The following FAIM2 variants were observed in gnomAD, a reference collection of about 807,000 sequenced individuals.
FAIM2 encodes protein lifeguard 2.
A neutral mutation model predicts 47.4 loss-of-function variants in FAIM2; 27 were observed. The ratio of observed to expected loss-of-function variants is 0.57; its 90% CI spans 0.42 to 0.78. FAIM2 has a LOEUF of 0.78. FAIM2 is among the 30% of genes least tolerant of loss of function. The pLI, the probability that FAIM2 is intolerant of heterozygous loss-of-function variation, is 0.00. For missense variants in FAIM2, 311 were observed against 389.4 expected (o/e 0.80, Z 1.69); for synonymous variants, 156 against 159.3 (o/e 0.98, Z 0.16).
chr12:49,881,988 C>T (rs962686789), intron 11 of FAIM2, among the ~76,000 whole-genome samples: 22 of 152,238 alleles, frequency 1.4e-4, no homozygotes, highest in African/African-American at 4.8e-4. Flanking sequence ...AAATCGGATT[C>T]TCGAAGCTGG....
In FAIM2 at chr12:49,869,594, C is replaced by T. The variant is rs1041150464; in HGVS notation, c.*910G>A. The T allele has an allele frequency of 6.6e-6, 1 of 152,588 alleles. No individual in the cohort carries two copies. Among genetic ancestry groups the T allele is most frequent in the Non-Finnish European group, 1.5e-5 (1 of 68,364 alleles). 9.5% of individuals were successfully genotyped at this position (152,588 alleles called of 1,614,324 possible). A position where few individuals can be genotyped will look rare whatever the true frequency, so the allele number is the denominator to read the frequency against. ...CAGCTACAGCGATTGCCTCCTCCCCCAGAACATCCAGCCGGAGGGCCCAAT... is the reference window on the plus strand; with the variant it reads ...CAGCTACAGCGATTGCCTCCTCCCCTAGAACATCCAGCCGGAGGGCCCAAT... On this transcript the variant is annotated 3_prime_UTR_variant, in exon 12 of 12. Transcript: ENST00000320634.
rs566815136 is a variant in FAIM2 at position 49,874,341 on chromosome 12, AGGAAAGGAGT to A, written c.802-3698_802-3689del. Among the ~76,000 whole-genome samples the A allele has an allele frequency of 5.7e-4, 87 of 152,216 alleles. No individual in the cohort carries two copies. Among genetic ancestry groups the A allele is most frequent in the African/African-American group, 2.0e-3 (84 of 41,520 alleles). The stretch of plus-strand genomic sequence containing the variant: ...GTGGGCGTCCTCATGGTCTTACATG[AGGAAAGGAGT>A]CTGAGAGCTGAGTGACTTGCTGATG... On this transcript the variant is annotated intron_variant, in intron 11 of 11. Transcript: ENST00000320634. This position sits in a 1 kb window ranked among gnomAD's most constrained non-coding sequence, Gnocchi z 4.2.
intron 11 of FAIM2, among the ~76,000 whole-genome samples, chr12:49,880,192 A>G (rs200586338): frequency 1.1e-3 from 75 of 67,950 alleles, no homozygotes; most frequent in African/African-American, 4.8e-3. Context: ...ATGTGTGTAT[A>G]TGTGCATGTG....
chr12:49,895,060 C>T (rs997838371), intron 5 of FAIM2, among the ~76,000 whole-genome samples: 1 of 150,840 alleles, frequency 6.6e-6, no homozygotes, highest in African/African-American at 2.4e-5. Flanking sequence ...GGGTGTGGAG[C>T]GGGCAGGGCA....
chr12:49,892,268 C>T (rs1327213042), intron 5 of FAIM2, among the ~76,000 whole-genome samples: 1 of 152,064 alleles, frequency 6.6e-6, no homozygotes, highest in African/African-American at 2.4e-5. Flanking sequence ...CTTAATTGCC[C>T]GGGGATCTCC....
At chr12:49,889,760 G>C (rs1946886366) in intron 8 of FAIM2, among the ~76,000 whole-genome samples, 192 bp from the exon 9 acceptor site, 1 of 152,152 alleles carries the variant, frequency 6.6e-6, no homozygotes. Context: ...AACAGGCTTA[G>C]ACTCAAAATC....
At chr12:49,897,126 C>G (rs1946943371) in intron 4 of FAIM2, 42 bp from the exon 5 acceptor site, 12 of 1,495,090 alleles carry the variant, frequency 8.0e-6, no homozygotes, top group Non-Finnish European at 5.6e-6. Context: ...AGAATGTACC[C>G]TAGGTCTCCA....
intron 11 of FAIM2, among the ~76,000 whole-genome samples, chr12:49,878,227 CATGAGTGTATGTGTGT>C (rs1946756171): frequency 8.2e-6 from 1 of 121,424 alleles, no homozygotes; most frequent in Non-Finnish European, 1.7e-5. Context: ...TGTATATGTG[CATGAGTGTATGTGTGT>C]ATATGTGAGT....
At chr12:49,902,631 C>CA (rs1946988993) in intron 1 of FAIM2, among the ~76,000 whole-genome samples, 1 of 151,964 alleles carries the variant, frequency 6.6e-6, no homozygotes, top group Non-Finnish European at 1.5e-5. Context: ...GAAGGAGACT[C>CA]AGCAGAAGGG....
Position 49,903,876 on chromosome 12 carries a change from CGCGTGGGTTCT to C in FAIM2, c.-95_-85del. The C allele has an allele frequency of 7.1e-7, 1 of 1,406,178 alleles. No homozygotes were observed. The highest frequency in any genetic ancestry group is 9.5e-7 in the Non-Finnish European group (1 of 1,051,108). 87.1% of individuals were successfully genotyped at this position (1,406,178 alleles called of 1,614,324 possible). Reference sequence around the variant, plus strand: ...GCCTGCCTGCGTCTCTTCCTTCCTCCGCGTGGGTTCTAGCAACATCCACTGCAGCCGGGCCA... The same window carrying C: ...GCCTGCCTGCGTCTCTTCCTTCCTCCAGCAACATCCACTGCAGCCGGGCCA... On this transcript the variant is annotated 5_prime_UTR_variant, in exon 1 of 12. Coordinates refer to ENST00000320634, the MANE Select transcript of FAIM2 (RefSeq NM_012306.4).
At chr12:49,903,176 A>G (rs1249986088) in intron 1 of FAIM2, among the ~76,000 whole-genome samples, 3 of 152,194 alleles carry the variant, frequency 2.0e-5, no homozygotes, top group Non-Finnish European at 4.4e-5. Context: ...CTAAAACTGG[A>G]GAAGAGATGC....
intron 3 of FAIM2, 65 bp from the exon 4 acceptor site, chr12:49,897,648 G>A (rs945919515): frequency 1.6e-6 from 2 of 1,238,996 alleles, no homozygotes; most frequent in African/African-American, 3.0e-5. Flanking sequence ...GCCCCGCAGT[G>A]ACTCAGTCAC....
At chr12:49,882,479 C>T (rs2137091921) in intron 11 of FAIM2, among the ~76,000 whole-genome samples, 1 of 152,280 alleles carries the variant, frequency 6.6e-6, no homozygotes, top group African/African-American at 2.4e-5. Flanking sequence ...TTCCCCTGCC[C>T]CATGGGCCCC....
chr12:49,891,116 T>C lies in FAIM2; in HGVS notation c.435-2A>G. On this transcript the variant is annotated splice_acceptor_variant, in intron 5 of 11. Coordinates refer to ENST00000320634, the MANE Select transcript of FAIM2 (RefSeq NM_012306.4). LOFTEE classifies it high-confidence loss of function. ...AGGTAGGTTGCAAAGAACACAGCAC[T>C]GTGAGAGACAGATGGATAGGTGAGT... 1 of 1,614,078 alleles carries C rather than the reference T, an allele frequency of 6.2e-7. No homozygotes were observed. Among genetic ancestry groups the C allele is most frequent in the South Asian group, 1.1e-5 (1 of 91,084 alleles).
intron 11 of FAIM2, among the ~76,000 whole-genome samples, chr12:49,879,710 G>C (rs186013586): frequency 8.0e-6 from 1 of 124,760 alleles, no homozygotes; most frequent in East Asian, 2.3e-4. Flanking sequence ...ATGTGTGTGT[G>C]TGTGTATATG....
At chr12:49,875,838 T>C (rs947915740) in intron 11 of FAIM2, among the ~76,000 whole-genome samples, 5 of 152,016 alleles carry the variant, frequency 3.3e-5, no homozygotes, top group African/African-American at 1.2e-4. Flanking sequence ...TAGCCAGGCG[T>C]GGTGGTGGGC....
intron 11 of FAIM2, among the ~76,000 whole-genome samples, chr12:49,881,631 A>G (rs1249291377): frequency 2.0e-5 from 3 of 152,004 alleles, no homozygotes; most frequent in East Asian, 3.9e-4. Flanking sequence ...GCGACTTTCC[A>G]TGAGTTTCTA....
rs750021638 is a variant in FAIM2 at position 49,890,718 on chromosome 12, G to GCCT, written c.487_489dup (p.Arg163dup). 4 of 1,613,974 alleles carry GCCT rather than the reference G, an allele frequency of 2.5e-6. No homozygotes were observed. Among genetic ancestry groups the GCCT allele is most frequent in the Non-Finnish European group, 3.4e-6 (4 of 1,179,916 alleles). On this transcript the variant is annotated inframe_insertion, in exon 7 of 12. Transcript: ENST00000320634. ...AGGAGAATCAGGTTCCAGGGGAAAT[G>GCCT]CCTCCTGCAAGGCAAGCCACAGAGT...
At chr12:49,880,488 ATGTGTATGTG>A (rs1555158538) in intron 11 of FAIM2, among the ~76,000 whole-genome samples, 1 of 42,964 alleles carries the variant, frequency 2.3e-5, no homozygotes, top group Admixed American at 2.4e-4. Flanking sequence ...ATGTGTATGC[ATGTGTATGTG>A]TGTGTATGAG....
Sources: allele counts gnomAD v4.1 joint callset (sites outside exome capture counted in the v4.1 genomes callset), GRCh38; gene constraint gnomAD v4.1.1; non-coding constraint Gnocchi (gnomAD v3.1); transcripts MANE v1.5; gene names NCBI Gene and HGNC (gene_info 2026-07-23, HGNC 2026-07-21).